The following OXTR variants were observed in gnomAD, a reference collection of about 807,000 sequenced individuals.
OXTR encodes oxytocin receptor.
In OXTR, 19 loss-of-function variants were observed where a neutral mutation model predicts 23.9. That is an observed-to-expected ratio of 0.80 (90% CI 0.56 to 1.17). The LOEUF is 1.17. Ranked by LOEUF, OXTR falls within the 50% of genes most tolerant of loss-of-function variation. OXTR has a pLI of 0.00. For missense variants in OXTR, 500 were observed against 550.7 expected (o/e 0.91, Z 0.92); for synonymous variants, 278 against 250.5 (o/e 1.11, Z -1.04).
chr3:8,753,947 G>A (rs569500014), intron 3 of OXTR, among the ~76,000 whole-genome samples: 1 of 152,190 alleles, frequency 6.6e-6, no homozygotes, highest in Non-Finnish European at 1.5e-5. Context: ...AGATGCCTAT[G>A]GTTTTTCCAG....
chr3:8,757,106 A>C (rs1708389744), intron 3 of OXTR, among the ~76,000 whole-genome samples: 2 of 152,076 alleles, frequency 1.3e-5, no homozygotes, highest in Admixed American at 1.3e-4. Flanking sequence ...TCCCCCTCCC[A>C]CCTAATCACT....
At chr3:8,745,565 T>C, downstream of OXTR, 1 of 1,614,164 alleles carries the variant, frequency 6.2e-7, no homozygotes, top group Non-Finnish European at 8.5e-7. This position sits in a 1 kb window ranked among gnomAD's most constrained non-coding sequence, Gnocchi z 4.8. Flanking sequence ...TGTGGGCACC[T>C]ACAGCTTTGA....
At chr3:8,760,198 G>C (rs796970016) in intron 3 of OXTR, among the ~76,000 whole-genome samples, 1 of 152,184 alleles carries the variant, frequency 6.6e-6, no homozygotes, top group Admixed American at 6.5e-5. Context: ...CTGAGATTCT[G>C]AACCCCAGAA....
At chr3:8,747,708 C>T (rs993659044), downstream of OXTR, among the ~76,000 whole-genome samples, 2 of 152,180 alleles carry the variant, frequency 1.3e-5, no homozygotes, top group Non-Finnish European at 2.9e-5. Flanking sequence ...CAGGCCCAGG[C>T]TCCTCCCTGC....
intron 3 of OXTR, among the ~76,000 whole-genome samples, chr3:8,766,681 C>G (rs867024445): frequency 7.2e-5 from 11 of 152,194 alleles, no homozygotes; most frequent in Admixed American, 2.0e-4. Context: ...TTCACCTCTC[C>G]CTTGGACTCC....
intron 3 of OXTR, among the ~76,000 whole-genome samples, chr3:8,762,536 G>C (rs1354047702): frequency 6.6e-6 from 1 of 152,184 alleles, no homozygotes; most frequent in Admixed American, 6.5e-5. Context: ...GGCCCAGAGT[G>C]AATATCCTGT....
chr3:8,757,735 G>T (rs114435510), intron 3 of OXTR, among the ~76,000 whole-genome samples: 1,542 of 152,228 alleles, frequency 0.01, 32 homozygotes, highest in African/African-American at 0.034. Context: ...GCCAGGAAGG[G>T]AGGATGCAGA....
the OXTR span, among the ~76,000 whole-genome samples, chr3:8,741,663 G>A: frequency 4.6e-5 from 7 of 152,252 alleles, no homozygotes; most frequent in South Asian, 2.1e-4. Context: ...ACCCTGCTAA[G>A]AGCTATTTCC....
chr3:8,749,890 T>C (rs1200078912), downstream of OXTR, among the ~76,000 whole-genome samples: 5 of 152,174 alleles, frequency 3.3e-5, no homozygotes, highest in African/African-American at 1.2e-4. Flanking sequence ...AAGTGTGTTA[T>C]AAAGAGACAG....
At chr3:8,763,087 A>G (rs1032175871) in intron 3 of OXTR, among the ~76,000 whole-genome samples, 3 of 152,184 alleles carry the variant, frequency 2.0e-5, no homozygotes, top group African/African-American at 7.2e-5. Flanking sequence ...CTTAACAAGT[A>G]GGGAACAGGA....
At chr3:8,753,913 C>T (rs910911124) in intron 3 of OXTR, among the ~76,000 whole-genome samples, 1 of 152,158 alleles carries the variant, frequency 6.6e-6, no homozygotes, top group African/African-American at 2.4e-5. Context: ...GCCCCACAAA[C>T]GGGGCATGTG....
chr3:8,763,679 G>C (rs571174004), intron 3 of OXTR, among the ~76,000 whole-genome samples: 1 of 152,326 alleles, frequency 6.6e-6, no homozygotes, highest in South Asian at 2.1e-4. Context: ...GGGGCATCCA[G>C]TCTCACCAGC....
In OXTR at chr3:8,756,849, G is replaced by A. The variant is rs74370440; in HGVS notation, c.923-3625C>T. On this transcript the variant is annotated intron_variant, in intron 3 of 3. Coordinates refer to ENST00000316793, the MANE Select transcript of OXTR (RefSeq NM_000916.4). ...CCATGGCCACTCCCAAGCTCCCGGT[G>A]AGACTGGCCTCCCTCCGCATTTCCA... Among the ~76,000 whole-genome samples the A allele has an allele frequency of 4.6e-5, 7 of 152,378 alleles. No individual in the cohort carries two copies. The East Asian group carries it at 1.3e-3, about 29-fold the overall frequency.
At chr3:8,743,008 G>A in the OXTR span, among the ~76,000 whole-genome samples, 2 of 152,172 alleles carry the variant, frequency 1.3e-5, no homozygotes, top group Admixed American at 1.3e-4. Flanking sequence ...AGGCAAAGGG[G>A]GAGCTGGCAT....
chr3:8,762,930 C>T (rs1380951001), intron 3 of OXTR, among the ~76,000 whole-genome samples: 1 of 152,236 alleles, frequency 6.6e-6, no homozygotes, highest in African/African-American at 2.4e-5. Context: ...TGCCCCGTCT[C>T]ACTCACCTCT....
chr3:8,760,496 T>G (rs1708461962), intron 3 of OXTR, among the ~76,000 whole-genome samples: 1 of 152,164 alleles, frequency 6.6e-6, no homozygotes, highest in Admixed American at 6.5e-5. Flanking sequence ...TAACTGTTTT[T>G]TGGAGTGAAT....
chr3:8,766,281 G>A (rs1202315870), intron 3 of OXTR, among the ~76,000 whole-genome samples: 1 of 152,146 alleles, frequency 6.6e-6, no homozygotes, highest in Non-Finnish European at 1.5e-5. Flanking sequence ...CTGGTGCTCT[G>A]TGCCTTGGGG....
chr3:8,744,678 A>G, the OXTR span, among the ~76,000 whole-genome samples: 1 of 152,108 alleles, frequency 6.6e-6, no homozygotes, highest in African/African-American at 2.4e-5. Context: ...AGCTTAGGTA[A>G]GCGATGTGAG....
downstream of OXTR, chr3:8,745,632 G>A (rs201893621): frequency 8.7e-6 from 14 of 1,614,118 alleles, no homozygotes; most frequent in African/African-American, 2.7e-5. The surrounding 1 kb of genome is among the most constrained non-coding windows in gnomAD (Gnocchi z 4.8). Flanking sequence ...TGGTGCTACC[G>A]TCTGTTGTCC....
Sources: gnomAD v4.1 joint callset for allele counts (sites outside exome capture counted in the v4.1 genomes callset) on GRCh38, gnomAD v4.1.1 for gene constraint, Gnocchi (gnomAD v3.1) non-coding constraint, MANE v1.5 for transcripts, NCBI Gene and HGNC (gene_info 2026-07-23, HGNC 2026-07-21) for gene names.